The following ABI2 variants were observed in gnomAD, a reference collection of about 807,000 sequenced individuals.
ABI2 encodes abl interactor 2.
In ABI2, 25 loss-of-function variants were observed where a neutral mutation model predicts 59.2. That is an observed-to-expected ratio of 0.42 (90% CI 0.31 to 0.59). The LOEUF is 0.59. Ranked by LOEUF, ABI2 falls within the 20% of genes least tolerant of loss-of-function variation. The pLI is 0.14. For missense variants in ABI2, 545 were observed against 681.8 expected (o/e 0.80, Z 2.23); for synonymous variants, 213 against 235.5 (o/e 0.90, Z 0.87).
intron 10 of ABI2, among the ~76,000 whole-genome samples, chr2:203,412,337 C>G (rs528077311): frequency 1.3e-5 from 2 of 152,208 alleles, no homozygotes; most frequent in South Asian, 4.2e-4. Context: ...CACTTTTGGT[C>G]CCTGCTTTTT....
intron 11 of ABI2, among the ~76,000 whole-genome samples, chr2:203,421,991 AAGAG>A (rs1471026301): frequency 1.3e-5 from 2 of 151,060 alleles, no homozygotes; most frequent in Admixed American, 6.6e-5. Flanking sequence ...AAAATCTAGA[AAGAG>A]AGCCAGTTGC....
chr2:203,336,555 T>G (rs1575643950), intron 1 of ABI2, among the ~76,000 whole-genome samples: 1 of 152,326 alleles, frequency 6.6e-6, no homozygotes, highest in East Asian at 1.9e-4. Context: ...GAGATGAGGC[T>G]CTCTATTGTA....
chr2:203,360,305 G>A (rs952153533), intron 1 of ABI2, among the ~76,000 whole-genome samples: 2 of 151,648 alleles, frequency 1.3e-5, no homozygotes, highest in African/African-American at 2.4e-5. Flanking sequence ...AAAACAATTT[G>A]TGTTGTCATG....
chr2:203,413,614 A>G (rs2097768369), intron 10 of ABI2, among the ~76,000 whole-genome samples: 1 of 152,176 alleles, frequency 6.6e-6, no homozygotes, highest in Admixed American at 6.5e-5. Context: ...AAAATTGTGT[A>G]TGAGGTGTGC....
At chr2:203,365,026 G>A (rs943996015) in intron 1 of ABI2, among the ~76,000 whole-genome samples, 3 of 151,956 alleles carry the variant, frequency 2.0e-5, no homozygotes, top group Admixed American at 1.3e-4. Context: ...GAACTGCCAC[G>A]CCTGGCCAGC....
intron 9 of ABI2, among the ~76,000 whole-genome samples, chr2:203,405,803 C>T (rs2097401303): frequency 6.6e-6 from 1 of 151,974 alleles, no homozygotes; most frequent in Non-Finnish European, 1.5e-5. Context: ...AATATAAATT[C>T]AGTGGGGTTC....
chr2:203,404,414 C>T (rs1284962763), intron 9 of ABI2, among the ~76,000 whole-genome samples: 2 of 152,186 alleles, frequency 1.3e-5, no homozygotes, highest in Non-Finnish European at 2.9e-5. Flanking sequence ...GTGTTTTTGG[C>T]TATGCCATTC....
In ABI2 at chr2:203,352,912, A is replaced by G. The variant is rs1378850409; in HGVS notation, c.118-13965A>G. 4.6e-5 allele frequency among the ~76,000 whole-genome samples: 7 copies of G among 152,324 alleles called. No individual in the cohort carries two copies. The South Asian group carries it at 6.2e-4, about 14-fold the overall frequency. On this transcript the variant is annotated intron_variant, in intron 1 of 11. Coordinates refer to ENST00000261018, the MANE Select transcript of ABI2 (RefSeq NM_001375670.1). ...TACCTTCTCTATGTTTAGGTATTCA[A>G]ATGCTTACCATTATGTTAAAACTCT...
rs1044519759 is a variant in ABI2, at chr2:203,411,387, C to G, written c.1279+16C>G. 1.3e-6 allele frequency: 2 copies of G among 1,591,378 alleles called. No homozygotes were observed. Among genetic ancestry groups the G allele is most frequent in the Admixed American group, 1.7e-5 (1 of 59,878 alleles). ...CAAGAAAATAGTAAGTTTATGTCTT[C>G]TTTATGCTGTAGATCAGATTGTAGG... is the stretch of plus-strand genomic sequence containing the variant. On this transcript the variant is annotated intron_variant, in intron 10 of 11. Transcript: ENST00000261018.
chr2:203,346,541 C>A (rs2083692709), intron 1 of ABI2, among the ~76,000 whole-genome samples: 1 of 151,962 alleles, frequency 6.6e-6, no homozygotes, highest in South Asian at 2.1e-4. Flanking sequence ...GCACGTTTTC[C>A]CTTGTCATAA....
At chr2:203,344,596 C>T (rs928542084) in intron 1 of ABI2, among the ~76,000 whole-genome samples, 5 of 149,866 alleles carry the variant, frequency 3.3e-5, no homozygotes, top group African/African-American at 1.2e-4. Context: ...GAGGTTTGCT[C>T]TTATTGCCCA....
At chr2:203,371,788 A>T (rs1250532784) in intron 2 of ABI2, among the ~76,000 whole-genome samples, 2 of 152,096 alleles carry the variant, frequency 1.3e-5, no homozygotes, top group Non-Finnish European at 2.9e-5. Context: ...TATAAGGATG[A>T]ATGTTGCTTA....
intron 1 of ABI2, among the ~76,000 whole-genome samples, chr2:203,362,928 TC>T (rs1388711410): frequency 6.6e-6 from 1 of 152,088 alleles, no homozygotes; most frequent in African/African-American, 2.4e-5. Flanking sequence ...CCTCCTGAGT[TC>T]AAGTGATTCT....
intron 4 of ABI2, among the ~76,000 whole-genome samples, chr2:203,388,892 A>C (rs2096635924): frequency 1.3e-5 from 2 of 152,122 alleles, no homozygotes; most frequent in Admixed American, 6.5e-5. Context: ...GTATAGAATA[A>C]AATTCTCTCT....
At chr2:203,407,891 C>T (rs2097498169) in intron 9 of ABI2, among the ~76,000 whole-genome samples, 1 of 152,134 alleles carries the variant, frequency 6.6e-6, no homozygotes, top group Non-Finnish European at 1.5e-5. Context: ...CAGCTCAACT[C>T]CAAGAAAGAC....
At chr2:203,333,102 A>G (rs1290090259) in intron 1 of ABI2, among the ~76,000 whole-genome samples, 1 of 152,188 alleles carries the variant, frequency 6.6e-6, no homozygotes, top group East Asian at 1.9e-4. Flanking sequence ...AGGGAATATT[A>G]TCAGTCAGTT....
intron 11 of ABI2, among the ~76,000 whole-genome samples, chr2:203,419,232 C>T (rs1344124743): frequency 6.7e-6 from 1 of 148,900 alleles, no homozygotes; most frequent in Non-Finnish European, 1.5e-5. Flanking sequence ...GCCTCAGCCT[C>T]CCGAGTAGCT....
At chr2:203,396,024 T>C (rs765358621) in intron 7 of ABI2, among the ~76,000 whole-genome samples, 14 of 152,224 alleles carry the variant, frequency 9.2e-5, no homozygotes, top group South Asian at 6.2e-4. Flanking sequence ...GATCACACTT[T>C]GTTATGAGTA....
At chr2:203,357,747 G>T (rs929782021) in intron 1 of ABI2, among the ~76,000 whole-genome samples, 2 of 104,666 alleles carry the variant, frequency 1.9e-5, no homozygotes, top group Non-Finnish European at 4.4e-5. Context: ...ACTGAATTTG[G>T]TTTTTGGGGT....
Sources: gnomAD v4.1 joint callset for allele counts (sites outside exome capture counted in the v4.1 genomes callset) on GRCh38, gnomAD v4.1.1 for gene constraint, MANE v1.5 for transcripts, NCBI Gene and HGNC (gene_info 2026-07-23, HGNC 2026-07-21) for gene names.